The following PAK5 variants were observed in gnomAD, a reference collection of about 807,000 sequenced individuals.
PAK5 encodes the protein p21 (RAC1) activated kinase 5.
PAK5 carries 16 observed loss-of-function variants against 65.9 expected under a neutral mutation model. That is an observed-to-expected ratio of 0.24 (90% confidence interval 0.16 to 0.37). The LOEUF (loss-of-function observed/expected upper bound fraction) is 0.37, where lower values mean the gene tolerates loss of function less well. Among genes scored for constraint, PAK5 ranks in the 10% least tolerant of loss-of-function variants. The probability of loss-of-function intolerance (pLI) is 1.00; values close to 1 mark genes in which losing one functional copy is unlikely to be tolerated. For missense variants in PAK5, 785 were observed against 903.9 expected (o/e 0.87, Z 1.69); for synonymous variants, 371 against 354.9 (o/e 1.05, Z -0.51).
chr20:9,580,242 G>A lies in PAK5; in HGVS notation c.893C>T (p.Pro298Leu), dbSNP rs1263199713. 3.1e-6 allele frequency: 5 copies of A among 1,614,090 alleles called. No homozygotes were observed. Among genetic ancestry groups the A allele is most frequent in the Non-Finnish European group, 4.2e-6 (5 of 1,179,976 alleles). The change falls in exon 4 of 10, where the codon CCA (proline) becomes CTA (leucine). Residue 298 changes from proline to leucine, a missense_variant. By Grantham distance (98) the Pro-to-Leu change is moderately conservative (BLOSUM62 -3). Around this residue, in one of 4 missense-constraint regions of PAK5, gnomAD observed 422 missense variants for 413.3 expected, o/e 1.02. Coordinates refer to ENST00000353224, the MANE Select transcript of PAK5 (RefSeq NM_177990.4). ...GGTTTTAAATGCACTTGCTCCAAAT[G>A]GCATCATCGGTTCCTGGAGTCCCGA... ...SGSGLQEPMM[P>L]FGASAFKTHP...
At chr20:9,608,258 C>T (rs2046492257) in intron 3 of PAK5, among the ~76,000 whole-genome samples, 1 of 152,144 alleles carries the variant, frequency 6.6e-6, no homozygotes, top group Admixed American at 6.5e-5. Flanking sequence ...AGGTAACACA[C>T]TATGGTATTT....
At chr20:9,802,064 C>T (rs554980366) in intron 1 of PAK5, among the ~76,000 whole-genome samples, 7 of 152,266 alleles carry the variant, frequency 4.6e-5, no homozygotes, top group Middle Eastern at 6.8e-3. Flanking sequence ...GACAGTCAGT[C>T]TGGGGAAGTA....
chr20:9,773,244 T>A (rs896127416), intron 1 of PAK5, among the ~76,000 whole-genome samples: 12 of 152,188 alleles, frequency 7.9e-5, no homozygotes, highest in African/African-American at 4.8e-5. Flanking sequence ...TTCTTTTTTT[T>A]AATTATCATT....
chr20:9,702,514 A>G (rs1482094567), intron 2 of PAK5, among the ~76,000 whole-genome samples: 2 of 152,200 alleles, frequency 1.3e-5, no homozygotes, highest in Non-Finnish European at 2.9e-5. Flanking sequence ...TGTAAAATGT[A>G]CAAAAAATTA....
intron 2 of PAK5, among the ~76,000 whole-genome samples, chr20:9,688,460 A>G (rs2047749777): frequency 6.6e-6 from 1 of 151,798 alleles, no homozygotes; most frequent in Admixed American, 6.6e-5. Context: ...ACCAACCCTG[A>G]CTCAGGTCCC....
chr20:9,540,737 CTTTT>C (rs1168963029), intron 9 of PAK5, among the ~76,000 whole-genome samples: 4 of 138,246 alleles, frequency 2.9e-5, no homozygotes, highest in Admixed American at 7.2e-5. Context: ...TTTTTAGTCA[CTTTT>C]TTTTTTTTTT....
At chr20:9,734,593 TG>T (rs2048369482) in intron 1 of PAK5, among the ~76,000 whole-genome samples, 1 of 72,844 alleles carries the variant, frequency 1.4e-5, no homozygotes, top group Non-Finnish European at 2.9e-5. Context: ...GGCCACGGGG[TG>T]GGAGTCAGAG....
chr20:9,748,004 C>G (rs2048528747), intron 1 of PAK5, among the ~76,000 whole-genome samples: 1 of 152,194 alleles, frequency 6.6e-6, no homozygotes, highest in Non-Finnish European at 1.5e-5. Context: ...GATACAAAAT[C>G]AATGCACAAA....
At chr20:9,587,025 C>T (rs1329350624) in intron 3 of PAK5, among the ~76,000 whole-genome samples, 1 of 152,100 alleles carries the variant, frequency 6.6e-6, no homozygotes, top group African/African-American at 2.4e-5. Context: ...ATCCTTACCT[C>T]ACAGAGTTAA....
intron 9 of PAK5, among the ~76,000 whole-genome samples, chr20:9,541,136 ACTGGGG>A (rs1383411940): frequency 6.6e-6 from 1 of 152,118 alleles, no homozygotes; most frequent in Non-Finnish European, 1.5e-5. Flanking sequence ...GAGTGATGCT[ACTGGGG>A]CTGTTCCCTA....
chr20:9,773,730 T>C (rs899267256), intron 1 of PAK5, among the ~76,000 whole-genome samples: 6 of 152,218 alleles, frequency 3.9e-5, no homozygotes, highest in South Asian at 2.1e-4. Context: ...TTGGCATAAC[T>C]ATGGCTAAGT....
At chr20:9,829,123 G>A (rs1330728592) in intron 1 of PAK5, among the ~76,000 whole-genome samples, 1 of 152,186 alleles carries the variant, frequency 6.6e-6, no homozygotes, top group Non-Finnish European at 1.5e-5. Flanking sequence ...TAAGTTAAAT[G>A]TGCTTCTTAT....
chr20:9,596,310 T>C (rs1603238995), intron 3 of PAK5, among the ~76,000 whole-genome samples: 1 of 152,084 alleles, frequency 6.6e-6, no homozygotes, highest in South Asian at 2.1e-4. Flanking sequence ...GAAAACTATA[T>C]AAAAAGCTGC....
At chr20:9,778,613 A>C (rs1451707878) in intron 1 of PAK5, among the ~76,000 whole-genome samples, 1 of 152,180 alleles carries the variant, frequency 6.6e-6, no homozygotes, top group Non-Finnish European at 1.5e-5. Flanking sequence ...TGAGGCAGTG[A>C]GTTGTCCCAT....
At chr20:9,726,465 G>C (rs955100226) in intron 1 of PAK5, among the ~76,000 whole-genome samples, 5 of 152,142 alleles carry the variant, frequency 3.3e-5, no homozygotes, top group Non-Finnish European at 7.3e-5. Context: ...TTAACTTCTG[G>C]AATTCATCTA....
intron 1 of PAK5, among the ~76,000 whole-genome samples, chr20:9,744,159 G>T (rs1287986998): frequency 6.6e-6 from 1 of 152,114 alleles, no homozygotes; most frequent in African/African-American, 2.4e-5. Flanking sequence ...TTATTTTTAG[G>T]TCATTGATAA....
At chr20:9,607,780 C>T (rs775692876) in intron 3 of PAK5, among the ~76,000 whole-genome samples, 1 of 151,862 alleles carries the variant, frequency 6.6e-6, no homozygotes, top group African/African-American at 2.4e-5. Context: ...GAGATATGAT[C>T]TTCATGCCAC....
chr20:9,576,938 G>C, intron 4 of PAK5, among the ~76,000 whole-genome samples: 1 of 152,196 alleles, frequency 6.6e-6, no homozygotes, highest in South Asian at 2.1e-4. Context: ...AGTAGGGAAC[G>C]GATGTGCTGG....
At chr20:9,768,651 C>T (rs1015842988) in intron 1 of PAK5, among the ~76,000 whole-genome samples, 7 of 151,612 alleles carry the variant, frequency 4.6e-5, no homozygotes, top group Admixed American at 1.3e-4. Flanking sequence ...GGTATGGTGG[C>T]GCGCGGCTGT....
Sources: allele counts gnomAD v4.1 joint callset (sites outside exome capture counted in the v4.1 genomes callset), GRCh38; gene constraint gnomAD v4.1.1; regional missense constraint gnomAD v4.1.1; transcripts MANE v1.5; gene names NCBI Gene and HGNC (gene_info 2026-07-23, HGNC 2026-07-21).